The following RAD50 variants were observed in gnomAD, a reference collection of about 807,000 sequenced individuals.
RAD50 encodes DNA repair protein RAD50.
Under a neutral mutation model 168.8 loss-of-function variants are expected in RAD50, and 132 were observed. The ratio of observed to expected loss-of-function variants is 0.78; its 90% CI spans 0.68 to 0.90. The LOEUF (loss-of-function observed/expected upper bound fraction) is 0.90, where lower values mean the gene tolerates loss of function less well. RAD50 is among the 40% of genes least tolerant of loss of function. The pLI is 0.00. For missense variants in RAD50, 1,347 were observed against 1,534.4 expected, an observed-to-expected ratio of 0.88 and a Z score of 2.04; for synonymous variants, 525 against 497.4, an observed-to-expected ratio of 1.06 and a Z score of -0.74.
chr5:132,577,031 C>A (rs571342497), intron 3 of RAD50, among the ~76,000 whole-genome samples: 1 of 152,294 alleles, frequency 6.6e-6, no homozygotes, highest in African/African-American at 2.4e-5. Context: ...ATAAACAATA[C>A]AAATTTATTA....
At chr5:132,635,943 C>T (rs892708852) in intron 21 of RAD50, among the ~76,000 whole-genome samples, 1 of 152,128 alleles carries the variant, frequency 6.6e-6, no homozygotes. Flanking sequence ...TGGTTTTTTC[C>T]AGTCTTCTAC....
rs1750318039 is a variant in RAD50, at chr5:132,572,148, A to G, written c.214-3629A>G. On this transcript the variant is annotated intron_variant, in intron 2 of 24. Transcript: ENST00000378823. Reference sequence around the variant, plus strand: ...AGAAAAATCATATGAGCATCAATAGATACAGAAAAAGCTTTTCAATTTAAT... The same window carrying G: ...AGAAAAATCATATGAGCATCAATAGGTACAGAAAAAGCTTTTCAATTTAAT... Among the ~76,000 whole-genome samples the G allele has an allele frequency of 2.6e-5, 4 of 152,344 alleles. No individual in the cohort carries two copies. In the South Asian group the frequency reaches 8.3e-4, roughly 32 times the overall value.
At chr5:132,560,738 C>T (rs1348170075) in intron 2 of RAD50, among the ~76,000 whole-genome samples, 1 of 152,214 alleles carries the variant, frequency 6.6e-6, no homozygotes, top group African/African-American at 2.4e-5. Flanking sequence ...GTTTTTCCAT[C>T]TCTCTCCTGG....
intron 2 of RAD50, among the ~76,000 whole-genome samples, chr5:132,566,787 T>C (rs1750216676): frequency 6.6e-6 from 1 of 152,216 alleles, no homozygotes; most frequent in Non-Finnish European, 1.5e-5. Flanking sequence ...TACTCTTCTT[T>C]TCCCTACTTT....
At chr5:132,606,602 C>T (rs145420505) in intron 16 of RAD50, among the ~76,000 whole-genome samples, 6,168 of 152,186 alleles carry the variant, frequency 0.041, 347 homozygotes, top group African/African-American at 0.13. Flanking sequence ...AGAGGGAATC[C>T]TCCCTAACTC....
chr5:132,580,866 A>AT (rs1245021934), intron 5 of RAD50, among the ~76,000 whole-genome samples: 1 of 152,148 alleles, frequency 6.6e-6, no homozygotes, highest in Non-Finnish European at 1.5e-5. Flanking sequence ...TAGATAGTAG[A>AT]TTTTTTAAAG....
intron 5 of RAD50, among the ~76,000 whole-genome samples, chr5:132,585,048 T>C (rs1327119227): frequency 6.6e-6 from 1 of 152,102 alleles, no homozygotes; most frequent in Non-Finnish European, 1.5e-5. Flanking sequence ...TGTATACATA[T>C]GTAACAAACC....
At position 132,580,943 on chromosome 5, in the gene RAD50, A is replaced by C. The variant is rs112849558; in HGVS notation, c.756+877A>C. Among the ~76,000 whole-genome samples, 324 of 152,256 alleles carry C rather than the reference A, an allele frequency of 2.1e-3. 3 individuals carry two copies. Among genetic ancestry groups the C allele is most frequent in the African/African-American group, 6.9e-3 (286 of 41,548 alleles). On this transcript the variant is annotated intron_variant, in intron 5 of 24. Coordinates refer to ENST00000378823, the MANE Select transcript of RAD50 (RefSeq NM_005732.4). ...TGTAAATACCAGTATAGATCTTTGA[A>C]TCATGAAGTAGAAAATATATATATA...
intron 20 of RAD50, among the ~76,000 whole-genome samples, chr5:132,617,308 A>G (rs1751195998): frequency 6.6e-6 from 1 of 152,204 alleles, no homozygotes; most frequent in African/African-American, 2.4e-5. Context: ...ATTCATTCAC[A>G]TTACTAAGTA....
chr5:132,605,083 C>T, intron 16 of RAD50, 84 bp downstream of exon 16: 1 of 1,124,298 alleles, frequency 8.9e-7, no homozygotes, highest in South Asian at 1.8e-5. Context: ...CTCGTTCTGT[C>T]ACCCAGGCTG....
intron 2 of RAD50, among the ~76,000 whole-genome samples, chr5:132,562,713 A>C (rs572790395): frequency 6.6e-6 from 1 of 152,240 alleles, no homozygotes; most frequent in South Asian, 2.1e-4. Flanking sequence ...AAAATTAGGA[A>C]TCATTAGTGT....
At chr5:132,559,427 T>A in intron 2 of RAD50, 60 bp downstream of exon 2, 2 of 1,526,866 alleles carry the variant, frequency 1.3e-6, no homozygotes, top group Non-Finnish European at 1.8e-6. Context: ...TAGCTTATTA[T>A]AGAAAACTTG....
intron 5 of RAD50, 108 bp from the exon 6 acceptor site, chr5:132,587,454 G>A: frequency 1.4e-6 from 2 of 1,478,952 alleles, no homozygotes; most frequent in Non-Finnish European, 1.8e-6. Flanking sequence ...AGCCTTAAAT[G>A]AGATCACTTT....
intron 7 of RAD50, 126 bp downstream of exon 7, chr5:132,588,215 T>G (rs923140071): frequency 9.1e-7 from 1 of 1,103,122 alleles, no homozygotes; most frequent in Non-Finnish European, 1.3e-6. Context: ...ACACAGTATG[T>G]TTCCATTTAT....
At chr5:132,598,055 T>G (rs1478134466) in intron 13 of RAD50, among the ~76,000 whole-genome samples, 1 of 151,672 alleles carries the variant, frequency 6.6e-6, no homozygotes, top group African/African-American at 2.4e-5. Context: ...CGGCTCCTTT[T>G]TTTTTTTTTT....
rs112709246 is a variant in RAD50 at position 132,609,647 on chromosome 5, C to T, written c.3036+251C>T. ...AAATACAAAAATTAGCTGGCCGTGG[C>T]GGCGCGCACCTGTAGTCCCAGCTAC... On this transcript the variant is annotated intron_variant, in intron 19 of 24. Coordinates refer to ENST00000378823, the MANE Select transcript of RAD50 (RefSeq NM_005732.4). Among the ~76,000 whole-genome samples the T allele has an allele frequency of 2.3e-3, 347 of 151,952 alleles. 3 individuals carry two copies. The highest frequency in any genetic ancestry group is 6.9e-3 in the African/African-American group (286 of 41,434).
chr5:132,626,604 A>G (rs1278246150), intron 21 of RAD50, among the ~76,000 whole-genome samples: 1 of 152,234 alleles, frequency 6.6e-6, no homozygotes, highest in Non-Finnish European at 1.5e-5. Flanking sequence ...TAATAGCACT[A>G]AAGAACTAAA....
At chr5:132,591,181 CAA>C in intron 9 of RAD50, 41 bp from the exon 10 acceptor site, 1 of 1,539,914 alleles carries the variant, frequency 6.5e-7, no homozygotes, top group Non-Finnish European at 9.0e-7. Context: ...AATTCTTGCA[CAA>C]AATATATAAC....
chr5:132,626,876 T>A (rs1751380609), intron 21 of RAD50, among the ~76,000 whole-genome samples: 1 of 152,150 alleles, frequency 6.6e-6, no homozygotes, highest in Non-Finnish European at 1.5e-5. Flanking sequence ...CCTGCTTTTT[T>A]TTTTATTTTT....
Sources: gnomAD v4.1 joint callset for allele counts (sites outside exome capture counted in the v4.1 genomes callset) on GRCh38, gnomAD v4.1.1 for gene constraint, MANE v1.5 for transcripts, NCBI Gene and HGNC (gene_info 2026-07-23, HGNC 2026-07-21) for gene names.